RNF144A: variants seen among roughly 807,000 people sequenced by gnomAD.
RNF144A encodes ring finger protein 144A.
In RNF144A, 11 loss-of-function variants were observed where a neutral mutation model predicts 38.7. The ratio of observed to expected loss-of-function variants is 0.28; its 90% CI spans 0.18 to 0.47. The LOEUF (loss-of-function observed/expected upper bound fraction) is 0.47. RNF144A is among the 20% of genes least tolerant of loss of function. The pLI, the probability that RNF144A is intolerant of heterozygous loss-of-function variation, is 0.99. For synonymous variants in RNF144A, 149 were observed against 143.9 expected (o/e 1.04, Z -0.25); for missense variants, 316 against 377.2 (o/e 0.84, Z 1.34).
At chr2:6,931,123 G>A (rs1180587323) in intron 1 of RNF144A, among the ~76,000 whole-genome samples, 3 of 152,186 alleles carry the variant, frequency 2.0e-5, no homozygotes, top group Admixed American at 6.5e-5. Flanking sequence ...CAGTGTGCCC[G>A]GCAGAGTCCA....
At chr2:6,998,370 G>A (rs1355502153) in intron 3 of RNF144A, among the ~76,000 whole-genome samples, 2 of 152,224 alleles carry the variant, frequency 1.3e-5, no homozygotes, top group Non-Finnish European at 2.9e-5. Context: ...TCCTTGGTAT[G>A]TAGGCACAGC....
chr2:7,031,159 C>T (rs1034947035), intron 8 of RNF144A, among the ~76,000 whole-genome samples: 1 of 152,182 alleles, frequency 6.6e-6, no homozygotes, highest in Non-Finnish European at 1.5e-5. Flanking sequence ...GCTACCCGTC[C>T]ATGGCCCAGG....
intron 8 of RNF144A, among the ~76,000 whole-genome samples, chr2:7,032,053 T>C (rs2103448685): frequency 6.6e-6 from 1 of 152,384 alleles, no homozygotes; most frequent in Non-Finnish European, 1.5e-5. Flanking sequence ...AATAAAGCTG[T>C]ATGGATAAAC....
At chr2:7,009,731 A>C (rs1282440391) in intron 3 of RNF144A, among the ~76,000 whole-genome samples, 1 of 152,188 alleles carries the variant, frequency 6.6e-6, no homozygotes, top group African/African-American at 2.4e-5. Flanking sequence ...TGTCCTCAGA[A>C]GGGAAGGCTG....
chr2:7,047,800 A>G (rs1184405584), downstream of RNF144A, among the ~76,000 whole-genome samples: 3 of 152,172 alleles, frequency 2.0e-5, no homozygotes, highest in Admixed American at 6.5e-5. Context: ...ACTGCTTTCC[A>G]TGGGTTGTGT....
intron 6 of RNF144A, among the ~76,000 whole-genome samples, chr2:7,058,745 A>G (rs1183726115): frequency 1.3e-5 from 2 of 152,200 alleles, no homozygotes; most frequent in Non-Finnish European, 2.9e-5. Flanking sequence ...AGGTGAATAT[A>G]TTGCAGTTGG....
downstream of RNF144A, among the ~76,000 whole-genome samples, chr2:7,046,013 C>T (rs1197665683): frequency 6.6e-6 from 1 of 152,162 alleles, no homozygotes; most frequent in African/African-American, 2.4e-5. Context: ...AAGAAATTTG[C>T]CAGCAAAGAG....
At chr2:6,965,071 C>G (rs1667574196) in intron 2 of RNF144A, among the ~76,000 whole-genome samples, 1 of 152,144 alleles carries the variant, frequency 6.6e-6, no homozygotes, top group Admixed American at 6.5e-5. Flanking sequence ...GGAGTTCTGC[C>G]TGCGTGTGTG....
At chr2:7,069,607 G>A (rs1007882951), downstream of RNF144A, among the ~76,000 whole-genome samples, 1 of 151,738 alleles carries the variant, frequency 6.6e-6, no homozygotes. Flanking sequence ...TTCTTATTCG[G>A]GCAGCTTAAA....
rs551997375 is a variant in RNF144A, at chr2:6,938,729, C to A, written c.-211-2219C>A. 1.3e-4 allele frequency among the ~76,000 whole-genome samples: 20 copies of A among 152,318 alleles called. No individual in the cohort carries two copies. In the South Asian group the frequency reaches 3.5e-3, roughly 27 times the overall value. On this transcript the variant is annotated intron_variant, in intron 1 of 8. Coordinates refer to ENST00000320892, the MANE Select transcript of RNF144A (RefSeq NM_014746.6). ...AAATCTCTGCATCCCTTAGCACTCACTTCTTATTCTCTCACTTTCCAAGCT... is the reference window on the plus strand; with the variant it reads ...AAATCTCTGCATCCCTTAGCACTCAATTCTTATTCTCTCACTTTCCAAGCT...
chr2:7,068,809 C>T (rs531482517), downstream of RNF144A, among the ~76,000 whole-genome samples: 1 of 152,212 alleles, frequency 6.6e-6, no homozygotes, highest in South Asian at 2.1e-4. Flanking sequence ...GTGGAGATGG[C>T]CATTACGAGT....
intron 6 of RNF144A, among the ~76,000 whole-genome samples, chr2:7,056,278 T>C (rs1333992907): frequency 6.6e-6 from 1 of 152,142 alleles, no homozygotes; most frequent in African/African-American, 2.4e-5. Flanking sequence ...TGAACTTGCT[T>C]CCTGTCATCC....
chr2:6,954,000 T>G (rs997037341), intron 2 of RNF144A, among the ~76,000 whole-genome samples: 3 of 152,164 alleles, frequency 2.0e-5, no homozygotes, highest in African/African-American at 7.2e-5. Flanking sequence ...CTAGTTAGGC[T>G]TTATTCTTTA....
intron 1 of RNF144A, among the ~76,000 whole-genome samples, chr2:6,938,679 C>T (rs532298610): frequency 9.7e-4 from 148 of 152,310 alleles, no homozygotes; most frequent in Admixed American, 1.9e-3. Flanking sequence ...TTATCTAATT[C>T]CAGGGTCTTT....
intron 1 of RNF144A, among the ~76,000 whole-genome samples, chr2:6,940,725 A>AT (rs1441308186): frequency 3.3e-5 from 5 of 151,846 alleles, no homozygotes; most frequent in Non-Finnish European, 7.4e-5. Flanking sequence ...TTATCTCAGA[A>AT]TTGTCTGTGT....
Position 6,967,951 on chromosome 2 carries a change from G to A in RNF144A, c.-12+26804G>A, listed in dbSNP as rs1030158754. On this transcript the variant is annotated intron_variant, in intron 2 of 8. Coordinates refer to ENST00000320892, the MANE Select transcript of RNF144A (RefSeq NM_014746.6). ...GAACTCCTGTTTCAGTGGACCTTCT[G>A]TTAGCATTTTAAGGAACAGTGTTTT... Among the ~76,000 whole-genome samples the A allele has an allele frequency of 1.4e-4, 22 of 152,212 alleles. 1 individual carries two copies. Among genetic ancestry groups the A allele is most frequent in the South Asian group, 8.3e-4 (4 of 4,832 alleles).
At chr2:7,052,069 A>G (rs1673550143) in intron 6 of RNF144A, among the ~76,000 whole-genome samples, 1 of 152,034 alleles carries the variant, frequency 6.6e-6, no homozygotes, top group African/African-American at 2.4e-5. Flanking sequence ...AAAATGCCCT[A>G]TTGCCTCTGT....
intron 6 of RNF144A, among the ~76,000 whole-genome samples, chr2:7,049,831 C>G (rs1250788492): frequency 6.6e-6 from 1 of 152,082 alleles, no homozygotes; most frequent in Non-Finnish European, 1.5e-5. Context: ...CAAATACAAG[C>G]AAATGCACCT....
At chr2:7,007,358 G>C (rs1048042893) in intron 3 of RNF144A, among the ~76,000 whole-genome samples, 1 of 152,196 alleles carries the variant, frequency 6.6e-6, no homozygotes, top group Non-Finnish European at 1.5e-5. Flanking sequence ...AGTGTCACAC[G>C]ATTACAACTT....
Sources: allele counts gnomAD v4.1 joint callset (sites outside exome capture counted in the v4.1 genomes callset), GRCh38; gene constraint gnomAD v4.1.1; transcripts MANE v1.5; gene names NCBI Gene and HGNC (gene_info 2026-07-23, HGNC 2026-07-21).